The following PRUNE2 variants were observed in gnomAD, a reference collection of about 807,000 sequenced individuals.
PRUNE2 encodes the protein protein prune homolog 2.
A neutral mutation model predicts 252.0 loss-of-function variants in PRUNE2; 164 were observed. That is an observed-to-expected ratio of 0.65 (90% confidence interval 0.57 to 0.74). The LOEUF (loss-of-function observed/expected upper bound fraction) is 0.74. Ranked by LOEUF, PRUNE2 falls within the 30% of genes least tolerant of loss-of-function variation. The pLI is 0.00. For missense variants in PRUNE2, 3,495 were observed against 3,711.0 expected (o/e 0.94, Z 1.51); for synonymous variants, 1,292 against 1,350.2 (o/e 0.96, Z 0.94).
chr9:76,785,563 G>A (rs1589224377), intron 6 of PRUNE2: 1 of 152,282 alleles, frequency 6.6e-6, no homozygotes, highest in Non-Finnish European at 1.5e-5. Context: ...TTCATGGTGA[G>A]TGCGCTTTAG....
At position 76,629,290 on chromosome 9, in the gene PRUNE2, A is replaced by G. The variant is rs1836368603; in HGVS notation, c.9051T>C (p.Ser3017=). The change falls in exon 16 of 19, where the codon AGT becomes AGC. Residue 3017 remains serine, a splice_region_variant and synonymous_variant. Transcript: ENST00000376718. ...TILAVTRPFI[S]SKFSSKIKYV... is the part of the protein sequence containing the mutation. ...ATTTAATTTTACTGCTGAATTTTGA[A>G]CTAAAAAAAAAAAAAAGAAAAAAAT... The G allele has an allele frequency of 6.8e-7, 1 of 1,473,316 alleles. No homozygotes were observed. Among genetic ancestry groups the G allele is most frequent in the African/African-American group, 1.4e-5 (1 of 70,110 alleles). 91.3% of individuals were successfully genotyped at this position (1,473,316 alleles called of 1,614,324 possible). A position where few individuals can be genotyped will look rare whatever the true frequency, so the allele number is the denominator to read the frequency against.
At chr9:76,777,326 A>C (rs1340604849) in intron 6 of PRUNE2, among the ~76,000 whole-genome samples, 1 of 152,158 alleles carries the variant, frequency 6.6e-6, no homozygotes, top group African/African-American at 2.4e-5. Context: ...TCTTCTGAGA[A>C]AGAATATAAT....
chr9:76,720,241 A>T (rs1032483754), intron 6 of PRUNE2, among the ~76,000 whole-genome samples: 9 of 152,214 alleles, frequency 5.9e-5, no homozygotes, highest in Non-Finnish European at 1.0e-4. Flanking sequence ...ACGTATTCAA[A>T]TAATACGTAT....
At chr9:76,680,375 A>C (rs539041047) in intron 9 of PRUNE2, among the ~76,000 whole-genome samples, 2 of 152,324 alleles carry the variant, frequency 1.3e-5, no homozygotes, top group South Asian at 4.1e-4. Flanking sequence ...ACAAAAAACC[A>C]AAAACCAGAA....
In PRUNE2 at chr9:76,743,571, T is replaced by C. The variant is rs181644549; in HGVS notation, c.757-29850A>G. On this transcript the variant is annotated intron_variant, in intron 6 of 18. Transcript: ENST00000376718. ...CGTCCCTCTTGGGGGAACAGTCCCA[T>C]AGAGGGACAGTCATGTCCCAACCAA... Among the ~76,000 whole-genome samples, 11 of 152,186 alleles carry C rather than the reference T, an allele frequency of 7.2e-5. No homozygotes were observed. The East Asian group carries it at 1.9e-3, about 27-fold the overall frequency.
intron 1 of PRUNE2, among the ~76,000 whole-genome samples, chr9:76,904,040 C>T (rs1422457558): frequency 6.6e-6 from 1 of 152,106 alleles, no homozygotes; most frequent in Non-Finnish European, 1.5e-5. Context: ...ATCTTATTAC[C>T]TAGAAAATGT....
chr9:76,793,164 T>C (rs2131417857), intron 6 of PRUNE2, among the ~76,000 whole-genome samples: 1 of 152,340 alleles, frequency 6.6e-6, no homozygotes, highest in East Asian at 1.9e-4. Flanking sequence ...TGGCTTCTTA[T>C]ACTGGAGGAA....
At chr9:76,704,226 TATTC>T (rs67865932) in intron 8 of PRUNE2, 127 bp from the exon 9 acceptor site, 345,643 of 472,580 alleles carry the variant, frequency 0.73, 128,910 homozygotes, top group East Asian at 0.96. Context: ...TTTATTTATT[TATTC>T]ATTCATTCAT....
At chr9:76,688,299 A>G (rs916855889) in intron 9 of PRUNE2, among the ~76,000 whole-genome samples, 14 of 152,268 alleles carry the variant, frequency 9.2e-5, no homozygotes, top group African/African-American at 2.7e-4. Context: ...GTCCAACACC[A>G]GGACCATGAC....
At chr9:76,719,517 G>A (rs1182529941) in intron 6 of PRUNE2, among the ~76,000 whole-genome samples, 1 of 151,810 alleles carries the variant, frequency 6.6e-6, no homozygotes, top group Non-Finnish European at 1.5e-5. Flanking sequence ...CGAGCATGGT[G>A]GCTCACATCT....
rs901278593 is a variant in PRUNE2, at chr9:76,621,160, G to A, written c.9189-1773C>T. Among the ~76,000 whole-genome samples, 3 of 152,256 alleles carry A rather than the reference G, an allele frequency of 2.0e-5. No individual in the cohort carries two copies. The East Asian group carries it at 5.8e-4, about 29-fold the overall frequency. Reference sequence around the variant, plus strand: ...GGTTTTGTTCCCTGACCAAGTGTACGTTTGCCTTTGGTTAGACCTAGCCTG... The same window carrying A: ...GGTTTTGTTCCCTGACCAAGTGTACATTTGCCTTTGGTTAGACCTAGCCTG... On this transcript the variant is annotated intron_variant, in intron 17 of 18. Transcript: ENST00000376718.
At chr9:76,832,617 TAA>T (rs1031815485) in intron 4 of PRUNE2, among the ~76,000 whole-genome samples, 16 of 151,994 alleles carry the variant, frequency 1.1e-4, no homozygotes, top group African/African-American at 9.7e-5. Flanking sequence ...TTAAAAGCGT[TAA>T]GTGTTAAAAA....
intron 6 of PRUNE2, among the ~76,000 whole-genome samples, chr9:76,774,443 T>G: frequency 6.8e-6 from 1 of 146,866 alleles, no homozygotes. Flanking sequence ...TGGCCTCCAG[T>G]TCAACCCTTT....
At chr9:76,684,017 T>C (rs1249643433) in intron 9 of PRUNE2, among the ~76,000 whole-genome samples, 1 of 151,918 alleles carries the variant, frequency 6.6e-6, no homozygotes, top group African/African-American at 2.4e-5. Flanking sequence ...TGTTTTGACA[T>C]ATATTTACAC....
chr9:76,782,446 A>G, intron 6 of PRUNE2, among the ~76,000 whole-genome samples: 1 of 152,208 alleles, frequency 6.6e-6, no homozygotes, highest in East Asian at 1.9e-4. Flanking sequence ...GCCTTGGGAA[A>G]GTTATTCTCT....
chr9:76,861,348 C>T (rs7037616), intron 1 of PRUNE2, among the ~76,000 whole-genome samples: 24,758 of 152,160 alleles, frequency 0.16, 3,605 homozygotes, highest in African/African-American at 0.39. Flanking sequence ...TCTCTCCCTC[C>T]GGGTCTCAAA....
In PRUNE2 at chr9:76,703,339, A is replaced by G. The variant is rs767700929; in HGVS notation, c.8274T>C (p.Asn2758=). Residue 2758 remains asparagine (N), a splice_region_variant and synonymous_variant, in exon 9 of 19, where the codon AAT becomes AAC. Transcript: ENST00000376718. ...LELGTRISRP[N]GLLSEDVGMD... is the part of the protein sequence containing the mutation. ...AATAAATCTAGCTTTTTGCTTACCCATTTGGTCTTGATATCCTGGTTCCGA... is the reference window on the plus strand; with the variant it reads ...AATAAATCTAGCTTTTTGCTTACCCGTTTGGTCTTGATATCCTGGTTCCGA... The G allele has an allele frequency of 6.4e-7, 1 of 1,571,770 alleles. No homozygotes were observed. The highest frequency in any genetic ancestry group is 1.2e-5 in the South Asian group (1 of 85,876).
chr9:76,794,088 C>T (rs917073412), intron 6 of PRUNE2, among the ~76,000 whole-genome samples: 1 of 152,174 alleles, frequency 6.6e-6, no homozygotes, highest in African/African-American at 2.4e-5. Flanking sequence ...AGCCTAGTTA[C>T]TATTTATTGA....
chr9:76,800,330 T>C (rs1014127873), intron 6 of PRUNE2, among the ~76,000 whole-genome samples: 1 of 152,120 alleles, frequency 6.6e-6, no homozygotes, highest in African/African-American at 2.4e-5. Context: ...GATACTTTGC[T>C]CAGAATGATG....
Sources: allele counts gnomAD v4.1 joint callset (sites outside exome capture counted in the v4.1 genomes callset), GRCh38; gene constraint gnomAD v4.1.1; transcripts MANE v1.5; gene names NCBI Gene and HGNC (gene_info 2026-07-23, HGNC 2026-07-21).